The following ENTREP2 variants were observed in gnomAD, a reference collection of about 807,000 sequenced individuals.
ENTREP2 encodes the protein protein ENTREP2.
chr15:29,418,009 A>T, the ENTREP2 span, among the ~76,000 whole-genome samples: 1 of 152,216 alleles, frequency 6.6e-6, no homozygotes, highest in Non-Finnish European at 1.5e-5. Context: ...AATAGAAGCC[A>T]TTTAGAACAT....
At chr15:29,290,077 G>A in the ENTREP2 span, among the ~76,000 whole-genome samples, 2 of 152,092 alleles carry the variant, frequency 1.3e-5, no homozygotes, top group African/African-American at 4.8e-5. Flanking sequence ...TGGCCTCCCA[G>A]GGCACAGGTA....
the ENTREP2 span, among the ~76,000 whole-genome samples, chr15:29,256,464 T>G: frequency 6.6e-6 from 1 of 152,236 alleles, no homozygotes; most frequent in South Asian, 2.1e-4. Flanking sequence ...ATAATTAATC[T>G]GTTGGATTTA....
At chr15:29,575,561 A>G in the ENTREP2 span, among the ~76,000 whole-genome samples, 1 of 152,236 alleles carries the variant, frequency 6.6e-6, no homozygotes, top group Non-Finnish European at 1.5e-5. Flanking sequence ...TAAAGGAAGA[A>G]GCAAAACTAT....
At chr15:29,193,032 T>C in the ENTREP2 span, among the ~76,000 whole-genome samples, 1 of 152,194 alleles carries the variant, frequency 6.6e-6, no homozygotes, top group Non-Finnish European at 1.5e-5. Flanking sequence ...ACTTAATCCC[T>C]AAAAGCAGGA....
the ENTREP2 span, among the ~76,000 whole-genome samples, chr15:29,674,140 G>A: frequency 6.7e-6 from 1 of 148,816 alleles, no homozygotes; most frequent in South Asian, 2.2e-4. Context: ...GGGGGGGGGG[G>A]GGGCTTTGCC....
the ENTREP2 span, among the ~76,000 whole-genome samples, chr15:29,639,915 C>T: frequency 6.6e-3 from 996 of 151,964 alleles, 11 homozygotes; most frequent in African/African-American, 0.023. Context: ...ATTACAGGTG[C>T]GCACCACCAC....
the ENTREP2 span, among the ~76,000 whole-genome samples, chr15:29,566,846 T>C: frequency 7.5e-5 from 11 of 146,064 alleles, no homozygotes; most frequent in African/African-American, 2.8e-4. Flanking sequence ...AAAGGAAAAA[T>C]ACACACACAC....
chr15:29,456,257 A>C, the ENTREP2 span, among the ~76,000 whole-genome samples: 1 of 152,200 alleles, frequency 6.6e-6, no homozygotes, highest in African/African-American at 2.4e-5. Flanking sequence ...AATACCATAC[A>C]GCTGGTTTGT....
At chr15:29,466,703 G>C in the ENTREP2 span, among the ~76,000 whole-genome samples, 40 of 119,874 alleles carry the variant, frequency 3.3e-4, no homozygotes, top group African/African-American at 1.3e-3. Flanking sequence ...GATGCTGATG[G>C]CCCCAGGGGA....
chr15:29,458,390 A>T, the ENTREP2 span, among the ~76,000 whole-genome samples: 1 of 152,162 alleles, frequency 6.6e-6, no homozygotes, highest in Non-Finnish European at 1.5e-5. Context: ...ACTATCAGGA[A>T]TAATGTTTTA....
chr15:29,135,352 C>T, the ENTREP2 span, among the ~76,000 whole-genome samples: 2 of 152,092 alleles, frequency 1.3e-5, no homozygotes, highest in African/African-American at 4.8e-5. This position sits in a 1 kb window ranked among gnomAD's most constrained non-coding sequence, Gnocchi z 7.4. Flanking sequence ...GCTTTCTCTC[C>T]CTGTATTTCA....
At chr15:29,654,872 C>T in the ENTREP2 span, among the ~76,000 whole-genome samples, 1 of 150,742 alleles carries the variant, frequency 6.6e-6, no homozygotes, top group African/African-American at 2.5e-5. Flanking sequence ...ACATAAAATT[C>T]AAGGACAAGC....
chr15:29,536,940 C>A, the ENTREP2 span, among the ~76,000 whole-genome samples: 1 of 152,118 alleles, frequency 6.6e-6, no homozygotes. Flanking sequence ...CCTGGAGTCT[C>A]AGAGGGAGCA....
the ENTREP2 span, among the ~76,000 whole-genome samples, chr15:29,621,455 G>A: frequency 5.1e-4 from 76 of 148,398 alleles, no homozygotes; most frequent in Non-Finnish European, 8.9e-4. Context: ...CCCAGGAGGC[G>A]GAGCTTGCAG....
chr15:29,374,614 G>A, the ENTREP2 span: 17 of 151,052 alleles, frequency 1.1e-4, 1 homozygote, highest in South Asian at 3.4e-3. Context: ...TGAATCTGTG[G>A]GTTTCTAGTT....
At chr15:29,654,759 TACTAG>T in the ENTREP2 span, among the ~76,000 whole-genome samples, 2 of 152,222 alleles carry the variant, frequency 1.3e-5, no homozygotes, top group Non-Finnish European at 2.9e-5. Flanking sequence ...GATAAAGTGT[TACTAG>T]ACAACAGAAT....
chr15:29,318,919 C>T, the ENTREP2 span, among the ~76,000 whole-genome samples: 2 of 152,202 alleles, frequency 1.3e-5, no homozygotes, highest in South Asian at 2.1e-4. Context: ...CATCTACCAT[C>T]ACATAGCCAT....
At chr15:29,367,883 T>C in the ENTREP2 span, among the ~76,000 whole-genome samples, 1 of 148,916 alleles carries the variant, frequency 6.7e-6, no homozygotes, top group Admixed American at 6.8e-5. Flanking sequence ...TAAACTATAG[T>C]GGACAAGAAG....
At chr15:29,185,676 C>G in the ENTREP2 span, among the ~76,000 whole-genome samples, 2 of 152,184 alleles carry the variant, frequency 1.3e-5, no homozygotes, top group Non-Finnish European at 2.9e-5. Context: ...ATTCTCCTGC[C>G]TCAGCCTCCT....
Sources: gnomAD v4.1 joint callset for allele counts (sites outside exome capture counted in the v4.1 genomes callset) on GRCh38, gnomAD v4.1.1 for gene constraint, Gnocchi (gnomAD v3.1) non-coding constraint, MANE v1.5 for transcripts, NCBI Gene and HGNC (gene_info 2026-07-23, HGNC 2026-07-21) for gene names.